The following KCNH5 variants were observed in gnomAD, a reference collection of about 807,000 sequenced individuals.
KCNH5 encodes voltage-gated delayed rectifier potassium channel KCNH5.
In KCNH5, 46 loss-of-function variants were observed where a neutral mutation model predicts 96.1. The ratio of observed to expected loss-of-function variants is 0.48; its 90% CI spans 0.38 to 0.61. The LOEUF is 0.61. Among genes scored for constraint, KCNH5 ranks in the 20% least tolerant of loss-of-function variants. KCNH5 has a pLI of 0.00. For missense variants in KCNH5, 907 were observed against 1,225.8 expected, an observed-to-expected ratio of 0.74 and a Z score of 3.88; for synonymous variants, 439 against 449.8, an observed-to-expected ratio of 0.98 and a Z score of 0.30.
intron 10 of KCNH5, among the ~76,000 whole-genome samples, chr14:62,751,129 G>C (rs1885490262): frequency 6.6e-6 from 1 of 152,150 alleles, no homozygotes; most frequent in Non-Finnish European, 1.5e-5. Context: ...CACAGAAAAA[G>C]AGAAGGAGCA....
intron 8 of KCNH5, among the ~76,000 whole-genome samples, chr14:62,827,793 GTTTT>G (rs1887257126): frequency 6.6e-6 from 1 of 151,670 alleles, no homozygotes; most frequent in South Asian, 2.1e-4. Context: ...GTAGCTTTGG[GTTTT>G]TGTTTGTTTG....
chr14:62,853,292 C>T (rs548344178), intron 7 of KCNH5, among the ~76,000 whole-genome samples: 1 of 151,684 alleles, frequency 6.6e-6, no homozygotes, highest in Non-Finnish European at 1.5e-5. Flanking sequence ...TCTATGTCCT[C>T]ACTTAGAACT....
At chr14:63,027,047 G>C (rs1423358354) in intron 1 of KCNH5, among the ~76,000 whole-genome samples, 1 of 152,012 alleles carries the variant, frequency 6.6e-6, no homozygotes, top group Non-Finnish European at 1.5e-5. Flanking sequence ...TGTCATTTGT[G>C]ACAACATGGA....
intron 10 of KCNH5, among the ~76,000 whole-genome samples, chr14:62,755,056 G>C (rs965700972): frequency 2.7e-5 from 4 of 150,712 alleles, no homozygotes; most frequent in Non-Finnish European, 4.4e-5. Context: ...AACTAGAAAA[G>C]CAAGAGAAAA....
At chr14:62,819,184 G>C (rs1209169337) in intron 8 of KCNH5, among the ~76,000 whole-genome samples, 7 of 152,062 alleles carry the variant, frequency 4.6e-5, no homozygotes, top group Non-Finnish European at 1.0e-4. Context: ...AGCCAGGATG[G>C]TCTCGATCTC....
intron 1 of KCNH5, among the ~76,000 whole-genome samples, chr14:63,044,368 C>T (rs1891882261): frequency 6.6e-6 from 1 of 152,162 alleles, no homozygotes; most frequent in South Asian, 2.1e-4. Flanking sequence ...GGCAAGAAAA[C>T]TTTAACGCCA....
At chr14:62,837,809 G>C (rs1355724914) in intron 8 of KCNH5, among the ~76,000 whole-genome samples, 2 of 152,080 alleles carry the variant, frequency 1.3e-5, no homozygotes, top group Non-Finnish European at 2.9e-5. Flanking sequence ...TACTTTACCA[G>C]GCACTCTGAA....
chr14:62,937,450 C>T (rs773605447), intron 7 of KCNH5, among the ~76,000 whole-genome samples: 1 of 152,166 alleles, frequency 6.6e-6, no homozygotes, highest in Non-Finnish European at 1.5e-5. Context: ...ACTATCCTGT[C>T]CTATAAGGCC....
intron 8 of KCNH5, among the ~76,000 whole-genome samples, chr14:62,832,403 C>T (rs943477747): frequency 6.6e-6 from 1 of 152,068 alleles, no homozygotes; most frequent in African/African-American, 2.4e-5. Flanking sequence ...GCATAATGTC[C>T]TCAAGGTTTA....
chr14:62,779,660 C>T (rs1009663674), intron 10 of KCNH5, 68 bp downstream of exon 10: 27 of 1,302,344 alleles, frequency 2.1e-5, no homozygotes, highest in Non-Finnish European at 2.8e-5. Flanking sequence ...CTCTACTCTT[C>T]AGCTAATAGA....
At chr14:62,731,332 A>C (rs1885046246) in intron 10 of KCNH5, among the ~76,000 whole-genome samples, 1 of 151,594 alleles carries the variant, frequency 6.6e-6, no homozygotes, top group Non-Finnish European at 1.5e-5. Context: ...TTAAAAAATA[A>C]ATAAATAAAA....
At chr14:62,777,258 TA>T (rs1487617845) in intron 10 of KCNH5, among the ~76,000 whole-genome samples, 6 of 152,312 alleles carry the variant, frequency 3.9e-5, no homozygotes, top group African/African-American at 1.4e-4. Context: ...CATGGTAGTC[TA>T]AAAAATACAG....
intron 6 of KCNH5, among the ~76,000 whole-genome samples, chr14:62,975,157 T>C (rs1161326795): frequency 6.6e-6 from 1 of 151,778 alleles, no homozygotes; most frequent in Non-Finnish European, 1.5e-5. Context: ...CTCCAGAACA[T>C]CCAACAGCTG....
At chr14:63,032,020 G>GTAA (rs1342502593) in intron 1 of KCNH5, among the ~76,000 whole-genome samples, 1 of 147,498 alleles carries the variant, frequency 6.8e-6, no homozygotes. Context: ...AGTATTTTAA[G>GTAA]TAATAATAAT....
intron 7 of KCNH5, among the ~76,000 whole-genome samples, chr14:62,946,250 C>T (rs1595695220): frequency 6.6e-6 from 1 of 152,000 alleles, no homozygotes; most frequent in Admixed American, 6.6e-5. Flanking sequence ...TTCCCAACTT[C>T]GGGGCCTCAG....
intron 8 of KCNH5, among the ~76,000 whole-genome samples, chr14:62,821,214 G>A (rs929138436): frequency 6.6e-6 from 1 of 150,938 alleles, no homozygotes; most frequent in Non-Finnish European, 1.5e-5. Context: ...AAAAAAAAAA[G>A]CTTTTCTTAA....
At chr14:62,992,494 T>C (rs1890828278) in intron 4 of KCNH5, among the ~76,000 whole-genome samples, 1 of 152,050 alleles carries the variant, frequency 6.6e-6, no homozygotes. Flanking sequence ...ATCTGCTATT[T>C]TTTGTCTTTT....
intron 9 of KCNH5, among the ~76,000 whole-genome samples, chr14:62,782,224 C>T (rs1886234216): frequency 6.6e-6 from 1 of 152,138 alleles, no homozygotes; most frequent in Non-Finnish European, 1.5e-5. Context: ...AGTGAGATTA[C>T]ACATTCTTTG....
intron 10 of KCNH5, among the ~76,000 whole-genome samples, chr14:62,713,157 TCATA>T (rs773246613): frequency 3.9e-5 from 6 of 152,238 alleles, no homozygotes; most frequent in Admixed American, 6.5e-5. Context: ...AATAACCTTT[TCATA>T]CATTCAGCAA....
Sources: gnomAD v4.1 joint callset for allele counts (sites outside exome capture counted in the v4.1 genomes callset) on GRCh38, gnomAD v4.1.1 for gene constraint, MANE v1.5 for transcripts, NCBI Gene and HGNC (gene_info 2026-07-23, HGNC 2026-07-21) for gene names.